The following ARHGAP15 variants were observed in gnomAD, a reference collection of about 807,000 sequenced individuals.
ARHGAP15 encodes the protein rho GTPase-activating protein 15.
Under a neutral mutation model 63.7 loss-of-function variants are expected in ARHGAP15, and 51 were observed. The observed-to-expected ratio is 0.80, with a 90% CI of 0.64 to 1.01. The LOEUF (loss-of-function observed/expected upper bound fraction) is 1.01, where lower values mean the gene tolerates loss of function less well. ARHGAP15 is among the 50% of genes least tolerant of loss of function. The pLI is 0.00. For missense variants in ARHGAP15, 560 were observed against 564.6 expected (o/e 0.99, Z 0.08); for synonymous variants, 191 against 193.8 (o/e 0.99, Z 0.12).
intron 5 of ARHGAP15, among the ~76,000 whole-genome samples, chr2:143,234,154 T>G (rs1387417952): frequency 6.6e-6 from 1 of 152,236 alleles, no homozygotes; most frequent in African/African-American, 2.4e-5. Context: ...TTTCAATTAT[T>G]GTAATTTTTA....
chr2:143,536,255 T>C (rs1028616551), intron 10 of ARHGAP15, among the ~76,000 whole-genome samples: 6 of 152,224 alleles, frequency 3.9e-5, no homozygotes. Context: ...TCTTCTTCTA[T>C]GAGGTCAACC....
At chr2:143,599,875 T>C (rs997300155) in intron 11 of ARHGAP15, among the ~76,000 whole-genome samples, 2 of 152,198 alleles carry the variant, frequency 1.3e-5, no homozygotes, top group African/African-American at 4.8e-5. Flanking sequence ...TGCTTAGAAT[T>C]CAGGTGTTTT....
chr2:143,259,227 T>C (rs1297385303), intron 6 of ARHGAP15, among the ~76,000 whole-genome samples: 1 of 152,174 alleles, frequency 6.6e-6, no homozygotes, highest in African/African-American at 2.4e-5. Context: ...ACCCTTCTCT[T>C]TTGACAGCTA....
rs1226811223 is a variant in ARHGAP15, at chr2:143,606,067, AAAAG to A, written c.1004-18065_1004-18062del. On this transcript the variant is annotated intron_variant, in intron 11 of 13. Transcript: ENST00000295095. The stretch of plus-strand genomic sequence containing the variant: ...AAAAAAAAAAAAAAAAAAAAAAAAA[AAAAG>A]CCATACATCTGTCTCTTTCGCTACC... Among the ~76,000 whole-genome samples the A allele has an allele frequency of 4.9e-3, 215 of 43,806 alleles. 50 individuals are homozygous for A. The highest frequency in any genetic ancestry group is 6.4e-3 in the Non-Finnish European group (93 of 14,488). The allele number at this position is 43,806 out of a possible 152,430, so 28.7% of individuals were successfully genotyped here.
At chr2:143,758,746 A>T (rs1436922148) in intron 13 of ARHGAP15, among the ~76,000 whole-genome samples, 1 of 152,206 alleles carries the variant, frequency 6.6e-6, no homozygotes, top group Admixed American at 6.5e-5. Flanking sequence ...AGGAAAAAAG[A>T]GCCATAACTT....
At chr2:143,617,178 T>C (rs1698484792) in intron 11 of ARHGAP15, among the ~76,000 whole-genome samples, 1 of 152,226 alleles carries the variant, frequency 6.6e-6, no homozygotes, top group African/African-American at 2.4e-5. Flanking sequence ...ATTATTTTTC[T>C]TCAAATGGAA....
At chr2:143,519,584 T>C in intron 10 of ARHGAP15, 1 of 345,936 alleles carries the variant, frequency 2.9e-6, no homozygotes, top group East Asian at 6.4e-5. Context: ...TTTTAATATT[T>C]TGTCTGTCTG....
chr2:143,436,859 G>A (rs1169254194), intron 7 of ARHGAP15, 54 bp from the exon 8 acceptor site: 16 of 1,572,984 alleles, frequency 1.0e-5, no homozygotes, highest in Admixed American at 2.0e-5. Flanking sequence ...AAATTCTATG[G>A]TGAATCCTTT....
chr2:143,176,056 G>C (rs1029057383), intron 2 of ARHGAP15, among the ~76,000 whole-genome samples: 1 of 152,042 alleles, frequency 6.6e-6, no homozygotes, highest in Non-Finnish European at 1.5e-5. Context: ...ATCATTCCAC[G>C]GTTATGCTTG....
intron 11 of ARHGAP15, among the ~76,000 whole-genome samples, chr2:143,596,747 C>T (rs949616283): frequency 2.1e-4 from 32 of 151,956 alleles, no homozygotes; most frequent in African/African-American, 7.7e-4. Context: ...ACAAATAATT[C>T]ATGTTGCGCT....
chr2:143,132,827 T>C (rs1325861970), intron 1 of ARHGAP15, among the ~76,000 whole-genome samples: 5 of 152,210 alleles, frequency 3.3e-5, no homozygotes, highest in Non-Finnish European at 7.3e-5. Flanking sequence ...TGTACAAAAA[T>C]ACAGTTTTAA....
chr2:143,576,636 C>A (rs1450033683), intron 11 of ARHGAP15, among the ~76,000 whole-genome samples: 1 of 151,978 alleles, frequency 6.6e-6, no homozygotes, highest in Non-Finnish European at 1.5e-5. Flanking sequence ...CCTAGCATAC[C>A]TTTAATGGAA....
intron 8 of ARHGAP15, among the ~76,000 whole-genome samples, chr2:143,483,119 T>C (rs1212558925): frequency 7.2e-5 from 11 of 152,232 alleles, no homozygotes. Context: ...TTTAAAAACA[T>C]ATTTTCATTT....
intron 6 of ARHGAP15, among the ~76,000 whole-genome samples, chr2:143,385,375 T>C (rs1356551176): frequency 1.3e-5 from 2 of 152,162 alleles, no homozygotes; most frequent in Non-Finnish European, 2.9e-5. Context: ...ACCACTCAAC[T>C]TTTAGAGTGC....
chr2:143,526,611 A>T (rs1016902268), intron 10 of ARHGAP15, among the ~76,000 whole-genome samples: 1 of 152,176 alleles, frequency 6.6e-6, no homozygotes, highest in Non-Finnish European at 1.5e-5. Context: ...TTTTCCCATT[A>T]CAAGGCCCTA....
intron 6 of ARHGAP15, among the ~76,000 whole-genome samples, chr2:143,430,845 C>T (rs1020374390): frequency 6.6e-6 from 1 of 151,878 alleles, no homozygotes; most frequent in East Asian, 1.9e-4. Context: ...TATTATTTAA[C>T]ATGTTTTAGG....
chr2:143,374,055 G>T (rs1686697067), intron 6 of ARHGAP15, among the ~76,000 whole-genome samples: 1 of 152,056 alleles, frequency 6.6e-6, no homozygotes. Flanking sequence ...TATCTGTGAG[G>T]TACAATTATT....
intron 5 of ARHGAP15, among the ~76,000 whole-genome samples, chr2:143,243,018 C>T (rs1194717476): frequency 4.6e-5 from 7 of 152,098 alleles, no homozygotes; most frequent in Non-Finnish European, 7.4e-5. Context: ...TCATAAAATC[C>T]GAGCTTTGTC....
chr2:143,216,545 C>G, intron 4 of ARHGAP15, 100 bp downstream of exon 4: 1 of 826,396 alleles, frequency 1.2e-6, no homozygotes. Context: ...CCCTATGGTA[C>G]CAGACTAGAA....
Sources: allele counts gnomAD v4.1 joint callset (sites outside exome capture counted in the v4.1 genomes callset), GRCh38; gene constraint gnomAD v4.1.1; transcripts MANE v1.5; gene names NCBI Gene and HGNC (gene_info 2026-07-23, HGNC 2026-07-21).